The following CACUL1 variants were observed in gnomAD, a reference collection of about 807,000 sequenced individuals.
CACUL1 encodes CDK2 associated cullin domain 1.
CACUL1 carries 13 observed loss-of-function variants against 45.2 expected under a neutral mutation model. That is an observed-to-expected ratio of 0.29 (90% CI 0.19 to 0.46). The LOEUF (loss-of-function observed/expected upper bound fraction) is 0.46, where lower values mean the gene tolerates loss of function less well. Ranked by LOEUF, CACUL1 falls within the 20% of genes least tolerant of loss-of-function variation. The pLI, the probability that CACUL1 is intolerant of heterozygous loss-of-function variation, is 1.00. For missense variants in CACUL1, 421 were observed against 471.4 expected, an observed-to-expected ratio of 0.89 and a Z score of 0.99; for synonymous variants, 197 against 174.2, an observed-to-expected ratio of 1.13 and a Z score of -1.03.
intron 1 of CACUL1, among the ~76,000 whole-genome samples, chr10:118,740,803 G>A (rs1021852526): frequency 3.3e-5 from 5 of 151,814 alleles, no homozygotes; most frequent in Non-Finnish European, 4.4e-5. Flanking sequence ...GCAGGCGCCT[G>A]TAGTCCTAGC....
chr10:118,731,757 A>G (rs1413450694), intron 1 of CACUL1, among the ~76,000 whole-genome samples: 1 of 152,230 alleles, frequency 6.6e-6, no homozygotes, highest in Non-Finnish European at 1.5e-5. Flanking sequence ...ACTGTTTTGC[A>G]TGAAACTATG....
At position 118,743,442 on chromosome 10, in the gene CACUL1, T is replaced by C. The variant is rs182375717; in HGVS notation, c.367+10954A>G. On this transcript the variant is annotated intron_variant, in intron 1 of 8. Transcript: ENST00000369151. ...AGGAAAAAAAGGGGCATATTATATATAGAGAAACAAAGATAAGACTATACA... is the reference window on the plus strand; with the variant it reads ...AGGAAAAAAAGGGGCATATTATATACAGAGAAACAAAGATAAGACTATACA... Among the ~76,000 whole-genome samples the C allele has an allele frequency of 9.8e-4, 149 of 152,068 alleles. 7 individuals carry two copies. In the South Asian group the frequency reaches 0.029, roughly 30 times the overall value.
intron 1 of CACUL1, among the ~76,000 whole-genome samples, chr10:118,752,226 C>A (rs973402377): frequency 4.6e-5 from 7 of 152,128 alleles, no homozygotes; most frequent in Non-Finnish European, 1.5e-5. Context: ...CAGGAGCATC[C>A]TTATCTTGTT....
chr10:118,719,628 G>A (rs576138005), intron 3 of CACUL1, among the ~76,000 whole-genome samples: 3 of 152,198 alleles, frequency 2.0e-5, no homozygotes, highest in East Asian at 3.9e-4. Context: ...CCTGACCAAC[G>A]TGGAGAAATC....
intron 1 of CACUL1, among the ~76,000 whole-genome samples, chr10:118,733,167 AAG>A (rs1266561359): frequency 6.6e-6 from 1 of 152,216 alleles, no homozygotes; most frequent in African/African-American, 2.4e-5. Context: ...GAAGAGGAAA[AAG>A]AAACCAAAAT....
In CACUL1 at chr10:118,707,040, T is replaced by TCA. The variant is rs1564831601; in HGVS notation, c.693+450_693+451dup. 1.3e-5 allele frequency among the ~76,000 whole-genome samples: 2 copies of TCA among 152,192 alleles called. 1 individual carries two copies. The highest frequency in any genetic ancestry group is 4.8e-5 in the African/African-American group (2 of 41,452). Reference sequence around the variant, plus strand: ...ACAGGGAGGAAGCTGATCAACAAAGTCACAGTCTACAGATTATACTCATAG... The same window carrying TCA: ...ACAGGGAGGAAGCTGATCAACAAAGTCACACAGTCTACAGATTATACTCATAG... On this transcript the variant is annotated intron_variant, in intron 4 of 8. Coordinates refer to ENST00000369151, the MANE Select transcript of CACUL1 (RefSeq NM_153810.5).
intron 3 of CACUL1, chr10:118,729,058 T>C (rs915163992): frequency 1.5e-5 from 6 of 396,802 alleles, no homozygotes; most frequent in Admixed American, 4.6e-5. Context: ...TGATAATCAA[T>C]AGAATCAGTT....
chr10:118,752,882 G>A (rs571646753), intron 1 of CACUL1, among the ~76,000 whole-genome samples: 1 of 151,904 alleles, frequency 6.6e-6, no homozygotes, highest in African/African-American at 2.4e-5. Flanking sequence ...AGTTCATAAC[G>A]TTCTTTTTTT....
At chr10:118,722,237 C>T (rs1205446416) in intron 3 of CACUL1, among the ~76,000 whole-genome samples, 1 of 152,026 alleles carries the variant, frequency 6.6e-6, no homozygotes, top group Non-Finnish European at 1.5e-5. Context: ...GCATGTGCCA[C>T]CATGCCCGGC....
At chr10:118,714,840 G>A (rs1845526523) in intron 3 of CACUL1, among the ~76,000 whole-genome samples, 1 of 152,302 alleles carries the variant, frequency 6.6e-6, no homozygotes, top group East Asian at 1.9e-4. Flanking sequence ...CACCCCGCAA[G>A]CATGTGGAAA....
intron 5 of CACUL1, among the ~76,000 whole-genome samples, chr10:118,700,935 G>C (rs2119575235): frequency 6.6e-6 from 1 of 152,284 alleles, no homozygotes; most frequent in Non-Finnish European, 1.5e-5. Context: ...AGAGGATTCT[G>C]TACTACCATT....
At chr10:118,720,476 T>C (rs990723555) in intron 3 of CACUL1, among the ~76,000 whole-genome samples, 5 of 152,250 alleles carry the variant, frequency 3.3e-5, no homozygotes, top group African/African-American at 1.2e-4. Context: ...TTACACAGTT[T>C]GGTCTCAAAG....
rs1314481014 is a variant in CACUL1 at position 118,677,431 on chromosome 10, A to G, written c.*8697T>C. 1.3e-5 allele frequency: 2 copies of G among 152,186 alleles called. No individual in the cohort carries two copies. Among genetic ancestry groups the G allele is most frequent in the African/African-American group, 2.4e-5 (1 of 41,448 alleles). 9.4% of individuals were successfully genotyped at this position (152,186 alleles called of 1,614,324 possible). On this transcript the variant is annotated 3_prime_UTR_variant, in exon 9 of 9. Transcript: ENST00000369151. The stretch of plus-strand genomic sequence containing the variant: ...GAACTGGCATGTTTAGAATGGTCCA[A>G]ACGTTCATATTATGAAGTGCTTCCA...
At chr10:118,732,748 T>TCC (rs1845709172) in intron 1 of CACUL1, among the ~76,000 whole-genome samples, 1 of 152,004 alleles carries the variant, frequency 6.6e-6, no homozygotes, top group African/African-American at 2.4e-5. Flanking sequence ...ACTTCCCCAA[T>TCC]CCCCCTAGAG....
At chr10:118,710,867 T>C (rs1845477450) in intron 3 of CACUL1, among the ~76,000 whole-genome samples, 1 of 152,236 alleles carries the variant, frequency 6.6e-6, no homozygotes, top group African/African-American at 2.4e-5. Context: ...CAAGGCTGTA[T>C]GACATTAGGG....
chr10:118,702,395 A>T (rs1845391163), intron 4 of CACUL1, among the ~76,000 whole-genome samples: 1 of 152,194 alleles, frequency 6.6e-6, no homozygotes, highest in Non-Finnish European at 1.5e-5. Context: ...GAGAGACCAA[A>T]AATCAAGTCC....
At chr10:118,701,972 A>G (rs1482006783) in intron 4 of CACUL1, among the ~76,000 whole-genome samples, 1 of 152,192 alleles carries the variant, frequency 6.6e-6, no homozygotes, top group Non-Finnish European at 1.5e-5. Flanking sequence ...CCATGAGGGG[A>G]ATGTCAGGCC....
chr10:118,707,149 T>C (rs1845439738), intron 4 of CACUL1, among the ~76,000 whole-genome samples: 1 of 152,216 alleles, frequency 6.6e-6, no homozygotes, highest in Non-Finnish European at 1.5e-5. Context: ...ACTTGGCATT[T>C]TACTTTCTGA....
At chr10:118,722,257 A>ATT (rs530105419) in intron 3 of CACUL1, among the ~76,000 whole-genome samples, 1 of 146,824 alleles carries the variant, frequency 6.8e-6, no homozygotes, top group Non-Finnish European at 1.5e-5. Context: ...CTAATTTTGT[A>ATT]TTTTTTTTTT....
Sources: allele counts gnomAD v4.1 joint callset (sites outside exome capture counted in the v4.1 genomes callset), GRCh38; gene constraint gnomAD v4.1.1; transcripts MANE v1.5; gene names NCBI Gene and HGNC (gene_info 2026-07-23, HGNC 2026-07-21).